CDH20: variants seen among roughly 807,000 people sequenced by gnomAD.
CDH20 encodes cadherin-20.
In CDH20, 29 loss-of-function variants were observed where a neutral mutation model predicts 74.2. The observed-to-expected ratio is 0.39, with a 90% CI of 0.29 to 0.53. CDH20 has a LOEUF of 0.53. Ranked by LOEUF, CDH20 falls within the 20% of genes least tolerant of loss-of-function variation. CDH20 has a pLI of 0.69. For missense variants in CDH20, 988 were observed against 1,048.3 expected, an observed-to-expected ratio of 0.94 and a Z score of 0.79; for synonymous variants, 469 against 405.4, an observed-to-expected ratio of 1.16 and a Z score of -1.88.
At chr18:61,423,837 T>C (rs1474076763) in intron 1 of CDH20, among the ~76,000 whole-genome samples, 1 of 152,246 alleles carries the variant, frequency 6.6e-6, no homozygotes, top group African/African-American at 2.4e-5. Flanking sequence ...GACAGTGTTT[T>C]ATAGTTTTCT....
intron 4 of CDH20, among the ~76,000 whole-genome samples, chr18:61,500,778 C>T (rs1911350812): frequency 6.6e-6 from 1 of 152,178 alleles, no homozygotes; most frequent in Non-Finnish European, 1.5e-5. Context: ...TTCAAAAAAT[C>T]CTATGGTTAT....
chr18:61,543,397 G>T (rs1049410014), intron 9 of CDH20, among the ~76,000 whole-genome samples: 3 of 152,144 alleles, frequency 2.0e-5, no homozygotes, highest in Non-Finnish European at 2.9e-5. Context: ...CTGTTGCTTG[G>T]TAGAAGAGGA....
At chr18:61,517,884 T>C (rs1912059314) in intron 6 of CDH20, among the ~76,000 whole-genome samples, 1 of 152,132 alleles carries the variant, frequency 6.6e-6, no homozygotes, top group Non-Finnish European at 1.5e-5. Context: ...AAATTCCTGC[T>C]GCCAGCCCTG....
At chr18:61,553,790 G>A (rs986931335) in intron 11 of CDH20, among the ~76,000 whole-genome samples, 3 of 150,744 alleles carry the variant, frequency 2.0e-5, no homozygotes, top group Non-Finnish European at 4.4e-5. Context: ...GAGGATAAAT[G>A]TATATTTTTC....
intron 1 of CDH20, among the ~76,000 whole-genome samples, chr18:61,375,689 C>G (rs910794049): frequency 1.3e-5 from 2 of 152,002 alleles, no homozygotes; most frequent in African/African-American, 2.4e-5. Flanking sequence ...CACCCATTAC[C>G]CCGTTCCCTC....
chr18:61,479,622 T>C (rs1910516338), intron 1 of CDH20, among the ~76,000 whole-genome samples: 2 of 152,092 alleles, frequency 1.3e-5, no homozygotes, highest in Non-Finnish European at 2.9e-5. Context: ...AACAATTGCC[T>C]AGGGTTTTCT....
chr18:61,494,076 G>C (rs1277193071), intron 2 of CDH20, among the ~76,000 whole-genome samples: 1 of 152,208 alleles, frequency 6.6e-6, no homozygotes, highest in African/African-American at 2.4e-5. Context: ...GCTGTGAGGT[G>C]AGTATAACAC....
intron 1 of CDH20, among the ~76,000 whole-genome samples, chr18:61,408,240 T>C (rs574820355): frequency 2.6e-5 from 4 of 152,224 alleles, no homozygotes; most frequent in East Asian, 1.9e-4. Context: ...TTGAAGATGG[T>C]GGCAGCAATT....
chr18:61,543,654 T>C (rs1195485480), intron 9 of CDH20, among the ~76,000 whole-genome samples: 3 of 152,168 alleles, frequency 2.0e-5, no homozygotes, highest in Non-Finnish European at 2.9e-5. Context: ...CTGACTCTTG[T>C]CTGTTCTGCA....
At chr18:61,356,309 T>A (rs1285205691) in intron 1 of CDH20, among the ~76,000 whole-genome samples, 2 of 152,246 alleles carry the variant, frequency 1.3e-5, no homozygotes, top group African/African-American at 4.8e-5. Context: ...TTTAAAGCAC[T>A]ATACAGTATG....
intron 9 of CDH20, among the ~76,000 whole-genome samples, chr18:61,542,376 T>C (rs1326141878): frequency 1.3e-5 from 2 of 152,142 alleles, no homozygotes; most frequent in African/African-American, 4.8e-5. Context: ...TACCCTGAGA[T>C]GGAGTTCCAG....
intron 8 of CDH20, among the ~76,000 whole-genome samples, chr18:61,538,584 GTTTGTTT>G (rs1912895149): frequency 1.8e-5 from 1 of 55,846 alleles, no homozygotes; most frequent in Non-Finnish European, 3.5e-5. Flanking sequence ...ACTACTTTTT[GTTTGTTT>G]GTTTGTTTTT....
chr18:61,416,536 C>G (rs1015790361), intron 1 of CDH20, among the ~76,000 whole-genome samples: 1 of 152,194 alleles, frequency 6.6e-6, no homozygotes, highest in African/African-American at 2.4e-5. Context: ...AGGATTGCCT[C>G]ACTATCCAAT....
At chr18:61,423,486 T>C (rs898642394) in intron 1 of CDH20, among the ~76,000 whole-genome samples, 16 of 152,212 alleles carry the variant, frequency 1.1e-4, no homozygotes, top group African/African-American at 3.9e-4. Context: ...GCCAAGGCCC[T>C]ATCTTACCTT....
intron 1 of CDH20, among the ~76,000 whole-genome samples, chr18:61,339,293 T>C (rs185480749): frequency 1.3e-5 from 2 of 152,244 alleles, no homozygotes; most frequent in East Asian, 3.9e-4. Flanking sequence ...ATAATCAGAT[T>C]CTACTCTTTA....
intron 1 of CDH20, among the ~76,000 whole-genome samples, chr18:61,470,386 G>A (rs2144378459): frequency 6.6e-6 from 1 of 152,286 alleles, no homozygotes; most frequent in East Asian, 1.9e-4. Context: ...AAAAGGAAAG[G>A]AACCGATAAG....
At chr18:61,377,802 A>G (rs1911292264) in intron 1 of CDH20, among the ~76,000 whole-genome samples, 1 of 152,030 alleles carries the variant, frequency 6.6e-6, no homozygotes, top group South Asian at 2.1e-4. Context: ...GGAAGAAATT[A>G]TGTATTGGAT....
At chr18:61,369,221 C>T (rs1264945358) in intron 1 of CDH20, among the ~76,000 whole-genome samples, 13 of 152,058 alleles carry the variant, frequency 8.5e-5, no homozygotes, top group East Asian at 1.9e-4. Context: ...AGAAAACTTG[C>T]GTGATTTATC....
At chr18:61,393,305 A>C (rs1911855700) in intron 1 of CDH20, among the ~76,000 whole-genome samples, 1 of 152,278 alleles carries the variant, frequency 6.6e-6, no homozygotes, top group Admixed American at 6.5e-5. Context: ...CCACCTAGGA[A>C]ACTCAGAACA....
Sources: allele counts gnomAD v4.1 joint callset (sites outside exome capture counted in the v4.1 genomes callset), GRCh38; gene constraint gnomAD v4.1.1; transcripts MANE v1.5; gene names NCBI Gene and HGNC (gene_info 2026-07-23, HGNC 2026-07-21).